CEP128: variants seen among roughly 807,000 people sequenced by gnomAD.
The protein encoded by CEP128 is centrosomal protein 128kDa.
In CEP128, 132 loss-of-function variants were observed where a neutral mutation model predicts 156.7. That is an observed-to-expected ratio of 0.84 (90% CI 0.73 to 0.97). The LOEUF is 0.97. Among genes scored for constraint, CEP128 ranks in the 50% least tolerant of loss-of-function variants. The pLI is 0.00. For synonymous variants in CEP128, 469 were observed against 448.9 expected, an observed-to-expected ratio of 1.04 and a Z score of -0.57; for missense variants, 1,252 against 1,281.9, an observed-to-expected ratio of 0.98 and a Z score of 0.36.
chr14:80,542,575 T>A (rs1026334803), intron 21 of CEP128, among the ~76,000 whole-genome samples: 1 of 152,154 alleles, frequency 6.6e-6, no homozygotes, highest in African/African-American at 2.4e-5. Flanking sequence ...AAGTCTTCTG[T>A]GGACCTAATG....
At chr14:80,553,664 T>G (rs1420170192) in intron 21 of CEP128, among the ~76,000 whole-genome samples, 1 of 152,238 alleles carries the variant, frequency 6.6e-6, no homozygotes, top group Non-Finnish European at 1.5e-5. Context: ...TTTAAAGTTT[T>G]TTCTCTTATG....
Position 80,785,527 on chromosome 14 carries a change from C to A in CEP128, c.1579G>T (p.Glu527Ter). Residue 527 changes from glutamate (E) to a stop codon, truncating the protein, a stop_gained, in exon 15 of 25, where the codon GAA (glutamate) becomes TAA (stop). Coordinates refer to ENST00000555265, the MANE Select transcript of CEP128 (RefSeq NM_152446.5). LOFTEE classifies it high-confidence loss of function. ...KNNQILKEKD[E>*]LKTQLYAALQ... ...GCTGCATACAGCTGGGTTTTCAATT[C>A]ATCCTTTTCTTTTAAAATCTATCAG... The A allele has an allele frequency of 6.2e-7, 1 of 1,604,426 alleles. No individual in the cohort carries two copies. Among genetic ancestry groups the A allele is most frequent in the African/African-American group, 1.3e-5 (1 of 74,392 alleles).
In CEP128 at chr14:80,785,746, T is replaced by G. The variant is rs1214960651; in HGVS notation, c.1561-201A>C. Among the ~76,000 whole-genome samples the G allele has an allele frequency of 2.0e-5, 3 of 152,112 alleles. No individual in the cohort carries two copies. In the South Asian group the frequency reaches 6.2e-4, roughly 32 times the overall value. Reference sequence around the variant, plus strand: ...GGGGGAATATATAATTGTCCTGAAATAGCAACACACTGAAATATGTATTTC... The same window carrying G: ...GGGGGAATATATAATTGTCCTGAAAGAGCAACACACTGAAATATGTATTTC... On this transcript the variant is annotated intron_variant, in intron 14 of 24. Coordinates refer to ENST00000555265, the MANE Select transcript of CEP128 (RefSeq NM_152446.5).
At chr14:80,585,732 C>A (rs148282159) in intron 19 of CEP128, among the ~76,000 whole-genome samples, 58 of 152,210 alleles carry the variant, frequency 3.8e-4, no homozygotes, top group Admixed American at 2.5e-3. Flanking sequence ...GTGCTCCTGT[C>A]CAGTGTTACT....
At chr14:80,700,126 G>A (rs1897023662) in intron 19 of CEP128, among the ~76,000 whole-genome samples, 1 of 152,104 alleles carries the variant, frequency 6.6e-6, no homozygotes, top group African/African-American at 2.4e-5. Flanking sequence ...CTAGTGAAAG[G>A]GAAAGTGTCA....
intron 24 of CEP128, among the ~76,000 whole-genome samples, chr14:80,500,830 T>C (rs1887699489): frequency 6.6e-6 from 1 of 152,254 alleles, no homozygotes; most frequent in East Asian, 1.9e-4. Context: ...CTTTTAGTTA[T>C]ATGACTGTTT....
At chr14:80,593,506 A>G (rs1892173918) in intron 19 of CEP128, among the ~76,000 whole-genome samples, 1 of 145,312 alleles carries the variant, frequency 6.9e-6, no homozygotes, top group African/African-American at 2.6e-5. Flanking sequence ...ATGCCACTGC[A>G]CTTGCACTCC....
chr14:80,629,670 G>T (rs552055167), intron 19 of CEP128, among the ~76,000 whole-genome samples: 2 of 151,960 alleles, frequency 1.3e-5, no homozygotes, highest in Non-Finnish European at 2.9e-5. Context: ...TAGGCCTAGG[G>T]TTTGCACTGA....
At chr14:80,818,833 A>G (rs1167713457) in intron 13 of CEP128, among the ~76,000 whole-genome samples, 1 of 152,264 alleles carries the variant, frequency 6.6e-6, no homozygotes, top group Middle Eastern at 3.2e-3. Context: ...CAACCAGAAA[A>G]TATCAATTTC....
At chr14:80,892,407 G>A (rs1265261830) in intron 8 of CEP128, among the ~76,000 whole-genome samples, 8 of 151,898 alleles carry the variant, frequency 5.3e-5, no homozygotes, top group Non-Finnish European at 2.9e-5. Context: ...GTTCAAAATG[G>A]ATAAAAGACC....
chr14:80,823,880 G>C (rs200568841), intron 13 of CEP128, among the ~76,000 whole-genome samples: 2 of 152,244 alleles, frequency 1.3e-5, no homozygotes, highest in Non-Finnish European at 2.9e-5. Context: ...CCCCAGTAGG[G>C]ACAATGTGCG....
At chr14:80,646,308 C>A (rs775483006) in intron 19 of CEP128, among the ~76,000 whole-genome samples, 10 of 151,606 alleles carry the variant, frequency 6.6e-5, no homozygotes, top group Non-Finnish European at 1.5e-4. Context: ...ACTCTCTGTA[C>A]CTTTCACTTA....
intron 8 of CEP128, among the ~76,000 whole-genome samples, chr14:80,879,428 A>C (rs747894230): frequency 4.6e-5 from 7 of 152,212 alleles, no homozygotes; most frequent in Non-Finnish European, 7.3e-5. Flanking sequence ...AGAAAATACA[A>C]ATAGACAATT....
At chr14:80,724,883 T>C (rs1328209573) in intron 19 of CEP128, among the ~76,000 whole-genome samples, 1 of 150,804 alleles carries the variant, frequency 6.6e-6, no homozygotes, top group Middle Eastern at 3.2e-3. Flanking sequence ...TGTTTGCTCC[T>C]TTGTTCATTC....
At chr14:80,914,511 A>G in intron 3 of CEP128, 103 bp from the exon 4 acceptor site, 1 of 819,454 alleles carries the variant, frequency 1.2e-6, no homozygotes, top group Non-Finnish European at 2.1e-6. Flanking sequence ...TGTAAAATGT[A>G]CAACTTTTAT....
chr14:80,647,126 T>TACAC (rs1303390846), intron 19 of CEP128, among the ~76,000 whole-genome samples: 1,298 of 88,052 alleles, frequency 0.015, 111 homozygotes, highest in African/African-American at 0.046. Context: ...CACACACACA[T>TACAC]ACACACACAC....
Position 80,743,256 on chromosome 14 carries a change from C to A in CEP128, c.2625G>T (p.Gln875His). The change falls in exon 19 of 25, where the codon CAG (glutamine) becomes CAT (histidine). Residue 875 changes from glutamine to histidine, a missense_variant. Transcript: ENST00000555265. ...RWLAESKTKLQWLCEELKERE... is the reference protein window; with the variant it reads ...RWLAESKTKLHWLCEELKERE... The stretch of plus-strand genomic sequence containing the variant: ...TCTCTTTCAGTTCCTCACAGAGCCA[C>A]TGAAGTTTAGTCTAAAAAATAACAT... 6.2e-7 allele frequency: 1 copy of A among 1,611,532 alleles called. No homozygotes were observed. Among genetic ancestry groups the A allele is most frequent in the Non-Finnish European group, 8.5e-7 (1 of 1,178,562 alleles).
rs1263928822 is a variant in CEP128 at position 80,793,118 on chromosome 14, T to A, written c.1210-8A>T. On this transcript the variant is annotated splice_polypyrimidine_tract_variant and splice_region_variant and intron_variant, in intron 13 of 24. Transcript: ENST00000555265. ...CAGTTCACGTGTTAAATTCTACGAA[T>A]AAAGCATGCAAAACATTAGGAACAA... 2 of 1,600,942 alleles carry A rather than the reference T, an allele frequency of 1.2e-6. No individual in the cohort carries two copies. The highest frequency in any genetic ancestry group is 2.7e-5 in the African/African-American group (2 of 74,788).
intron 21 of CEP128, among the ~76,000 whole-genome samples, chr14:80,535,049 G>A (rs1364785128): frequency 1.3e-5 from 2 of 152,158 alleles, no homozygotes; most frequent in African/African-American, 4.8e-5. Context: ...TAGAAGAGCT[G>A]GACTTCCAGG....
Sources: allele counts gnomAD v4.1 joint callset (sites outside exome capture counted in the v4.1 genomes callset), GRCh38; gene constraint gnomAD v4.1.1; transcripts MANE v1.5; gene names NCBI Gene and HGNC (gene_info 2026-07-23, HGNC 2026-07-21).